The following GRIA2 variants were observed in gnomAD, a reference collection of about 807,000 sequenced individuals.
GRIA2 encodes glutamate receptor 2.
Under a neutral mutation model 97.3 loss-of-function variants are expected in GRIA2, and 14 were observed. The observed-to-expected ratio is 0.14, with a 90% CI of 0.10 to 0.23. GRIA2 has a LOEUF of 0.23. Ranked by LOEUF, GRIA2 falls within the 10% of genes least tolerant of loss-of-function variation. GRIA2 has a pLI of 1.00. For missense variants in GRIA2, 558 were observed against 1,069.8 expected, an observed-to-expected ratio of 0.52 and a Z score of 6.67; for synonymous variants, 412 against 387.8, an observed-to-expected ratio of 1.06 and a Z score of -0.73.
intron 2 of GRIA2, among the ~76,000 whole-genome samples, chr4:157,277,201 G>T (rs930012666): frequency 9.2e-5 from 14 of 151,892 alleles, no homozygotes; most frequent in Non-Finnish European, 2.1e-4. Context: ...ACAGCTGTGA[G>T]ATTTGTTTCA....
intron 8 of GRIA2, among the ~76,000 whole-genome samples, chr4:157,333,569 G>C (rs1278326009): frequency 6.6e-6 from 1 of 152,000 alleles, no homozygotes; most frequent in Non-Finnish European, 1.5e-5. Context: ...AGGTAGAGCT[G>C]TTGAACTTTA....
chr4:157,335,581 G>A (rs184874066), intron 9 of GRIA2, 90 bp from the exon 10 acceptor site: 338 of 766,286 alleles, frequency 4.4e-4, no homozygotes, highest in Admixed American at 1.0e-3. Flanking sequence ...CTGGCTAATG[G>A]GTAATAATTA....
At chr4:157,288,075 C>A (rs1280692205) in intron 2 of GRIA2, among the ~76,000 whole-genome samples, 1 of 151,588 alleles carries the variant, frequency 6.6e-6, no homozygotes, top group Non-Finnish European at 1.5e-5. Flanking sequence ...TTTAGGACCC[C>A]TGTTTGGAAA....
intron 2 of GRIA2, among the ~76,000 whole-genome samples, chr4:157,278,296 A>G (rs565136452): frequency 2.0e-5 from 3 of 151,952 alleles, no homozygotes; most frequent in Admixed American, 2.0e-4. Flanking sequence ...TTGGAACAGA[A>G]TAGAGAGCCC....
intron 2 of GRIA2, among the ~76,000 whole-genome samples, chr4:157,266,562 T>A (rs1561018420): frequency 6.6e-6 from 1 of 152,060 alleles, no homozygotes; most frequent in Admixed American, 6.6e-5. Context: ...CTCGGAGACC[T>A]TGGCAGATGA....
At chr4:157,317,746 G>C (rs767002875) in intron 5 of GRIA2, 35 bp downstream of exon 5, 7 of 820,270 alleles carry the variant, frequency 8.5e-6, no homozygotes, top group East Asian at 2.7e-5. Flanking sequence ...TATTTTACTA[G>C]ATATGCTTAT....
At chr4:157,305,105 T>C (rs1733785343) in intron 3 of GRIA2, among the ~76,000 whole-genome samples, 1 of 152,202 alleles carries the variant, frequency 6.6e-6, no homozygotes, top group Non-Finnish European at 1.5e-5. Context: ...GACGCACACT[T>C]ATTAATGTGA....
chr4:157,300,744 A>C (rs548868772), intron 2 of GRIA2, among the ~76,000 whole-genome samples: 1 of 152,124 alleles, frequency 6.6e-6, no homozygotes, highest in Non-Finnish European at 1.5e-5. Flanking sequence ...GCTGAAGTGC[A>C]TGGGGAAAAA....
At chr4:157,353,677 C>T (rs955384067) in intron 12 of GRIA2, among the ~76,000 whole-genome samples, 8 of 151,590 alleles carry the variant, frequency 5.3e-5, no homozygotes, top group Non-Finnish European at 8.8e-5. Context: ...AGCCAGACTC[C>T]GTCTCAAAAA....
At chr4:157,322,238 AGAGAGTGT>A (rs1402814582) in intron 6 of GRIA2, among the ~76,000 whole-genome samples, 1 of 121,916 alleles carries the variant, frequency 8.2e-6, no homozygotes, top group African/African-American at 3.2e-5. Flanking sequence ...AAAGAGAGAG[AGAGAGTGT>A]GTGTGTGTGT....
chr4:157,321,394 T>C, intron 5 of GRIA2, 44 bp from the exon 6 acceptor site: 2 of 1,408,128 alleles, frequency 1.4e-6, no homozygotes, highest in Non-Finnish European at 2.0e-6. Flanking sequence ...AGTAGCATTT[T>C]GTTCTCAAAC....
At position 157,257,756 on chromosome 4, in the gene GRIA2, A is replaced by T. The variant is rs571434445; in HGVS notation, c.229+35949A>T. On this transcript the variant is annotated intron_variant, in intron 2 of 15. Transcript: ENST00000264426. ...GACTATGAAAACCCAAATGTTATAGAATCTTGCTAACTAAGCCTCAGTATT... is the reference window on the plus strand; with the variant it reads ...GACTATGAAAACCCAAATGTTATAGTATCTTGCTAACTAAGCCTCAGTATT... 3.4e-4 allele frequency among the ~76,000 whole-genome samples: 51 copies of T among 152,228 alleles called. 2 individuals carry two copies. Among genetic ancestry groups the T allele is most frequent in the African/African-American group, 1.2e-3 (51 of 41,562 alleles).
intron 2 of GRIA2, among the ~76,000 whole-genome samples, chr4:157,285,818 T>A (rs1732816784): frequency 6.6e-6 from 1 of 151,614 alleles, no homozygotes; most frequent in Non-Finnish European, 1.5e-5. Context: ...TAATTACTAA[T>A]AACAGTGACT....
chr4:157,231,041 T>G (rs1025827259), intron 2 of GRIA2, among the ~76,000 whole-genome samples: 2 of 151,852 alleles, frequency 1.3e-5, no homozygotes, highest in African/African-American at 4.8e-5. Flanking sequence ...TTTTTTATTT[T>G]TATTTTTCAT....
intron 3 of GRIA2, among the ~76,000 whole-genome samples, chr4:157,311,293 T>A (rs944567058): frequency 6.6e-6 from 1 of 152,032 alleles, no homozygotes; most frequent in Non-Finnish European, 1.5e-5. Context: ...TTAAAACAGT[T>A]TATGTATTTA....
At chr4:157,254,203 A>G (rs1309226894) in intron 2 of GRIA2, among the ~76,000 whole-genome samples, 1 of 152,066 alleles carries the variant, frequency 6.6e-6, no homozygotes, top group East Asian at 1.9e-4. Context: ...TTTGAAAACA[A>G]TTAGATAATT....
chr4:157,310,819 C>T (rs1406669252), intron 3 of GRIA2, among the ~76,000 whole-genome samples: 3 of 151,926 alleles, frequency 2.0e-5, no homozygotes, highest in Non-Finnish European at 4.4e-5. Context: ...CACTATGGTG[C>T]TTAAAATATT....
chr4:157,303,525 T>G (rs1733706108), intron 2 of GRIA2, 27 bp from the exon 3 acceptor site: 1 of 1,603,374 alleles, frequency 6.2e-7, no homozygotes, highest in East Asian at 2.2e-5. Flanking sequence ...CAATGATTTT[T>G]CCTTTCTATT....
chr4:157,329,790 A>G (rs958370651), intron 6 of GRIA2, among the ~76,000 whole-genome samples: 14 of 151,956 alleles, frequency 9.2e-5, no homozygotes, highest in African/African-American at 3.4e-4. Context: ...TTGCCAAATA[A>G]AGTAACTAAC....
Sources: gnomAD v4.1 joint callset for allele counts (sites outside exome capture counted in the v4.1 genomes callset) on GRCh38, gnomAD v4.1.1 for gene constraint, MANE v1.5 for transcripts, NCBI Gene and HGNC (gene_info 2026-07-23, HGNC 2026-07-21) for gene names.